ALS2: variants seen among roughly 807,000 people sequenced by gnomAD.
The protein encoded by ALS2 is alsin Rho guanine nucleotide exchange factor ALS2, also known as alsin.
ALS2 carries 117 observed loss-of-function variants against 203.4 expected under a neutral mutation model. The observed-to-expected ratio is 0.58, with a 90% CI of 0.50 to 0.67. The LOEUF (loss-of-function observed/expected upper bound fraction) is 0.67. Among genes scored for constraint, ALS2 ranks in the 30% least tolerant of loss-of-function variants. The probability of loss-of-function intolerance (pLI) is 0.00; values close to 1 mark genes in which losing one functional copy is unlikely to be tolerated. For synonymous variants in ALS2, 718 were observed against 725.9 expected (o/e 0.99, Z 0.17); for missense variants, 1,715 against 1,989.4 (o/e 0.86, Z 2.62).
At chr2:201,777,167 C>T (rs1694699141) in intron 1 of ALS2, among the ~76,000 whole-genome samples, 1 of 152,110 alleles carries the variant, frequency 6.6e-6, no homozygotes, top group South Asian at 2.1e-4. Flanking sequence ...TATTATACAA[C>T]TTGCTCCCCT....
chr2:201,742,539 C>T (rs1296112607), intron 10 of ALS2, among the ~76,000 whole-genome samples: 1 of 152,246 alleles, frequency 6.6e-6, no homozygotes, highest in Non-Finnish European at 1.5e-5. Flanking sequence ...GCAGATTTAA[C>T]CTTTCTTTCA....
At position 201,754,493 on chromosome 2, in the gene ALS2, T is replaced by C. The variant is rs755148474; in HGVS notation, c.1640+10A>G. 12 of 1,613,886 alleles carry C rather than the reference T, an allele frequency of 7.4e-6. No individual in the cohort carries two copies. The highest frequency in any genetic ancestry group is 3.3e-5 in the Admixed American group (2 of 59,982). On this transcript the variant is annotated intron_variant, in intron 6 of 33. Coordinates refer to ENST00000264276, the MANE Select transcript of ALS2 (RefSeq NM_020919.4). ...GCCAACTTCTATCGGTAAATGTTGGTAGCGCTTACCTAGGCAGAACATCGC... is the reference window on the plus strand; with the variant it reads ...GCCAACTTCTATCGGTAAATGTTGGCAGCGCTTACCTAGGCAGAACATCGC...
At position 201,761,926 on chromosome 2, in the gene ALS2, C is replaced by T. The variant is rs928735125; in HGVS notation, c.176-108G>A. 5 of 1,251,608 alleles carry T rather than the reference C, an allele frequency of 4.0e-6. No individual in the cohort carries two copies. In the African/African-American group the frequency reaches 7.6e-5, roughly 19 times the overall value. The allele number at this position is 1,251,608 out of a possible 1,614,324, so 77.5% of individuals were successfully genotyped here. A position where few individuals can be genotyped will look rare whatever the true frequency, so the allele number is the denominator to read the frequency against. On this transcript the variant is annotated intron_variant, in intron 3 of 33. Coordinates refer to ENST00000264276, the MANE Select transcript of ALS2 (RefSeq NM_020919.4). ...TATAGATTTAACCAAATTGGATTTT[C>T]TTTTTAAATTTTCAAAAGCAGTTGT... is the stretch of plus-strand genomic sequence containing the variant.
At chr2:201,745,358 C>G (rs756743175) in intron 9 of ALS2, among the ~76,000 whole-genome samples, 1 of 151,980 alleles carries the variant, frequency 6.6e-6, no homozygotes, top group Non-Finnish European at 1.5e-5. Flanking sequence ...CCAATGTTAC[C>G]TTTAGCAAGA....
intron 7 of ALS2, 151 bp downstream of exon 7, chr2:201,752,995 G>C: frequency 1.4e-6 from 1 of 739,952 alleles, no homozygotes; most frequent in South Asian, 1.5e-5. Flanking sequence ...CTGTAAAGTG[G>C]AAATAATACC....
At chr2:201,751,339 C>T (rs1693040282) in intron 7 of ALS2, among the ~76,000 whole-genome samples, 1 of 152,170 alleles carries the variant, frequency 6.6e-6, no homozygotes, top group Admixed American at 6.5e-5. Flanking sequence ...TTTTCTCCTA[C>T]ATCCTAATCA....
At chr2:201,719,078 A>G (rs2105989232) in intron 23 of ALS2, among the ~76,000 whole-genome samples, 1 of 152,282 alleles carries the variant, frequency 6.6e-6, no homozygotes, top group Non-Finnish European at 1.5e-5. Flanking sequence ...ATTAATCAAG[A>G]AAAAAAAGAG....
intron 3 of ALS2, chr2:201,765,864 G>A (rs912001073): frequency 6.0e-6 from 1 of 166,940 alleles, no homozygotes; most frequent in African/African-American, 2.4e-5. Flanking sequence ...GTTCAGCCAA[G>A]TGGCTTTAAA....
intron 11 of ALS2, among the ~76,000 whole-genome samples, chr2:201,739,325 G>C (rs1692109528): frequency 6.6e-6 from 1 of 151,572 alleles, no homozygotes; most frequent in Non-Finnish European, 1.5e-5. Flanking sequence ...AATTTACTTG[G>C]TATCTACCAA....
rs768877274 is a variant in ALS2, at chr2:201,733,341, A to T, written c.2515T>A (p.Leu839Met). The change falls in exon 13 of 34, where the codon TTG (leucine) becomes ATG (methionine). Residue 839 changes from leucine (L) to methionine (M), a missense_variant. Leu to Met is a conservative substitution (Grantham distance 15). Around this residue, in one of 3 missense-constraint regions of ALS2, gnomAD observed 1,227 missense variants for 1,413.5 expected, o/e 0.87. Transcript: ENST00000264276. Reference sequence around the variant, plus strand: ...TAATTATGAAGTCGTCTGATTGGCAAGAAAAACAAAGTATTCAGTATTTCC... The same window carrying T: ...TAATTATGAAGTCGTCTGATTGGCATGAAAAACAAAGTATTCAGTATTTCC... The part of the protein sequence containing the change: ...LMEILNTLFF[L>M]PIRRLHNYAK... The T allele has an allele frequency of 1.9e-6, 3 of 1,613,914 alleles. No individual in the cohort carries two copies. The South Asian group carries it at 3.3e-5, about 18-fold the overall frequency.
chr2:201,739,171 T>C (rs192304018), intron 11 of ALS2, among the ~76,000 whole-genome samples: 28 of 139,110 alleles, frequency 2.0e-4, no homozygotes, highest in African/African-American at 5.8e-4. Context: ...CCTGGGAGGT[T>C]GAGGCTGCAG....
Position 201,715,936 on chromosome 2 carries a change from T to C in ALS2, c.3837-97A>G, listed in dbSNP as rs909781818. ...CTAACATACAACTGAGAATGCTTTT[T>C]TCGTGACCAAAACTGCCAAGACTGA... is the stretch of plus-strand genomic sequence containing the variant. On this transcript the variant is annotated intron_variant, in intron 24 of 33. Transcript: ENST00000264276. 86 of 1,362,248 alleles carry C rather than the reference T, an allele frequency of 6.3e-5. 2 individuals are homozygous for C. The South Asian group carries it at 7.1e-4, about 11-fold the overall frequency. 84.4% of individuals were successfully genotyped at this position (1,362,248 alleles called of 1,614,324 possible). A position where few individuals can be genotyped will look rare whatever the true frequency, so the allele number is the denominator to read the frequency against.
intron 1 of ALS2, among the ~76,000 whole-genome samples, chr2:201,779,446 A>G (rs1054534651): frequency 6.6e-6 from 1 of 152,186 alleles, no homozygotes; most frequent in African/African-American, 2.4e-5. Flanking sequence ...TCTTTTTCAC[A>G]TTAAAATGTC....
intron 19 of ALS2, 59 bp from the exon 20 acceptor site, chr2:201,725,513 G>GT (rs1166221829): frequency 2.3e-6 from 3 of 1,315,156 alleles, no homozygotes; most frequent in Admixed American, 3.4e-5. Flanking sequence ...TTCACCTTTT[G>GT]TATGTATATC....
At position 201,757,661 on chromosome 2, in the gene ALS2, A is replaced by T. The variant is rs1313308323; in HGVS notation, c.1212T>A (p.Gly404=). The change falls in exon 5 of 34, where the codon GGT becomes GGA. Residue 404 remains glycine, a synonymous_variant. Transcript: ENST00000264276. ...CTTCATAAGTAGCAGCCACTCTCACACCAACAGCAGATGCACAAGAGACCA... is the reference window on the plus strand; with the variant it reads ...CTTCATAAGTAGCAGCCACTCTCACTCCAACAGCAGATGCACAAGAGACCA... ...SLVVSCASAV[G]VRVAATYEAG... 6.2e-7 allele frequency: 1 copy of T among 1,614,074 alleles called. No homozygotes were observed. The highest frequency in any genetic ancestry group is 1.1e-5 in the South Asian group (1 of 91,082).
At chr2:201,747,600 G>A (rs577739374) in intron 8 of ALS2, among the ~76,000 whole-genome samples, 7 of 151,724 alleles carry the variant, frequency 4.6e-5, no homozygotes, top group African/African-American at 1.2e-4. Context: ...ACAGGTGCCC[G>A]CTACCACGCC....
chr2:201,700,692 TCA>T lies in ALS2; in HGVS notation c.*1157_*1158del, dbSNP rs1434066957. Reference sequence around the variant, plus strand: ...TTTTTCAAAAGTAATTAACATCTTCTCAGTCACTTAACACAAATCAGGACACT... The same window carrying T: ...TTTTTCAAAAGTAATTAACATCTTCTGTCACTTAACACAAATCAGGACACT... On this transcript the variant is annotated 3_prime_UTR_variant, in exon 34 of 34. Transcript: ENST00000264276. 1.3e-5 allele frequency: 2 copies of T among 152,658 alleles called. No homozygotes were observed. Among genetic ancestry groups the T allele is most frequent in the Non-Finnish European group, 2.9e-5 (2 of 68,048 alleles). The allele number at this position is 152,658 out of a possible 1,614,324, so 9.5% of individuals were successfully genotyped here.
chr2:201,724,279 AAGG>A lies in ALS2; in HGVS notation c.3512+13_3512+15del, dbSNP rs756485980. 70 of 1,609,886 alleles carry A rather than the reference AAGG, an allele frequency of 4.3e-5. No homozygotes were observed. The highest frequency in any genetic ancestry group is 1.6e-4 in the Middle Eastern group (1 of 6,076). On this transcript the variant is annotated intron_variant, in intron 21 of 33. Coordinates refer to ENST00000264276, the MANE Select transcript of ALS2 (RefSeq NM_020919.4). The stretch of plus-strand genomic sequence containing the variant: ...TCATTGGCTTAAACTGTGGGAATAG[AAGG>A]AGAATACTGTACCTAGTGATATCAT...
At chr2:201,706,608 T>G (rs1689736010) in intron 29 of ALS2, among the ~76,000 whole-genome samples, 2 of 148,350 alleles carry the variant, frequency 1.3e-5, no homozygotes, top group Non-Finnish European at 3.0e-5. Context: ...TATATATTAC[T>G]ATATATATGA....
Sources: allele counts gnomAD v4.1 joint callset (sites outside exome capture counted in the v4.1 genomes callset), GRCh38; gene constraint gnomAD v4.1.1; regional missense constraint gnomAD v4.1.1; transcripts MANE v1.5; gene names NCBI Gene and HGNC (gene_info 2026-07-23, HGNC 2026-07-21).